Variants in SPAG16 observed in about 807,000 individuals in gnomAD.
The protein encoded by SPAG16 is sperm-associated antigen 16 protein.
SPAG16 carries 86 observed loss-of-function variants against 80.4 expected under a neutral mutation model. The observed-to-expected ratio is 1.07, with a 90% CI of 0.90 to 1.28. The LOEUF (loss-of-function observed/expected upper bound fraction) is 1.28. SPAG16 is among the 50% of genes most tolerant of loss of function. The pLI is 0.00. For missense variants in SPAG16, 870 were observed against 765.3 expected (o/e 1.14, Z -1.61); for synonymous variants, 294 against 265.9 (o/e 1.11, Z -1.03).
At chr2:214,347,098 T>C (rs929446188) in intron 15 of SPAG16, among the ~76,000 whole-genome samples, 2 of 152,122 alleles carry the variant, frequency 1.3e-5, no homozygotes, top group African/African-American at 4.8e-5. Flanking sequence ...ATGCTATTGG[T>C]AAAGGCTCAA....
At chr2:214,121,509 T>C (rs1051184427) in intron 14 of SPAG16, among the ~76,000 whole-genome samples, 1 of 151,850 alleles carries the variant, frequency 6.6e-6, no homozygotes, top group African/African-American at 2.4e-5. Context: ...AGACATATGA[T>C]CTTGAGCAAA....
chr2:213,395,581 G>A (rs2067988818), intron 9 of SPAG16, among the ~76,000 whole-genome samples: 1 of 152,038 alleles, frequency 6.6e-6, no homozygotes, highest in South Asian at 2.1e-4. Flanking sequence ...ATTGCCTTTT[G>A]TTGCTAGATT....
chr2:214,402,676 C>T (rs762162259), intron 15 of SPAG16, among the ~76,000 whole-genome samples: 13 of 151,836 alleles, frequency 8.6e-5, no homozygotes, highest in Admixed American at 3.9e-4. Context: ...ATATAAAATA[C>T]TTACCTAAAG....
intron 10 of SPAG16, among the ~76,000 whole-genome samples, chr2:213,557,385 T>C (rs2059457326): frequency 6.6e-6 from 1 of 152,066 alleles, no homozygotes; most frequent in African/African-American, 2.4e-5. Context: ...TGTAAACCTT[T>C]CAAATATTTT....
intron 7 of SPAG16, among the ~76,000 whole-genome samples, chr2:213,354,954 A>G (rs370524718): frequency 1.3e-5 from 2 of 152,144 alleles, no homozygotes; most frequent in South Asian, 4.1e-4. Flanking sequence ...TATGTCCTAA[A>G]TGGTATTGCC....
chr2:213,376,738 A>G (rs1013128532), intron 9 of SPAG16, among the ~76,000 whole-genome samples: 2 of 152,128 alleles, frequency 1.3e-5, no homozygotes, highest in Non-Finnish European at 2.9e-5. Context: ...TTTGTTCTAT[A>G]GTCTTAATTC....
intron 9 of SPAG16, among the ~76,000 whole-genome samples, chr2:213,487,163 G>A (rs1239890486): frequency 6.6e-6 from 1 of 152,006 alleles, no homozygotes; most frequent in Non-Finnish European, 1.5e-5. Flanking sequence ...AAATAAACAT[G>A]AGTGCCAGAG....
At chr2:213,759,907 T>C (rs767728127) in intron 10 of SPAG16, among the ~76,000 whole-genome samples, 4 of 151,982 alleles carry the variant, frequency 2.6e-5, no homozygotes, top group African/African-American at 9.7e-5. Flanking sequence ...TGGTGGCACA[T>C]GCCTATAGTC....
intron 13 of SPAG16, among the ~76,000 whole-genome samples, chr2:214,016,718 T>G (rs2047609582): frequency 1.3e-5 from 2 of 152,172 alleles, no homozygotes; most frequent in African/African-American, 4.8e-5. Context: ...GCACAGATTT[T>G]CATAACTTGA....
At chr2:213,780,734 C>T (rs969674263) in intron 10 of SPAG16, among the ~76,000 whole-genome samples, 15 of 152,158 alleles carry the variant, frequency 9.9e-5, no homozygotes, top group African/African-American at 3.4e-4. Context: ...TTCTTATTTT[C>T]CCAACTTTGA....
chr2:213,613,052 C>G (rs570347799), intron 10 of SPAG16, among the ~76,000 whole-genome samples: 1 of 152,084 alleles, frequency 6.6e-6, no homozygotes, highest in Admixed American at 6.6e-5. Flanking sequence ...TTTAGGGAAA[C>G]CTATTGGGTT....
At chr2:213,475,205 T>C (rs2073308062) in intron 9 of SPAG16, among the ~76,000 whole-genome samples, 1 of 152,164 alleles carries the variant, frequency 6.6e-6, no homozygotes, top group African/African-American at 2.4e-5. Context: ...TCTATATAAC[T>C]GTCCGGGTCA....
rs939386294 is a variant in SPAG16 at position 213,793,676 on chromosome 2, C to G, written c.1071-68809C>G. On this transcript the variant is annotated intron_variant, in intron 10 of 15. Coordinates refer to ENST00000331683, the MANE Select transcript of SPAG16 (RefSeq NM_024532.5). ...TAGTAATAATTCAAAATGAAATTCT[C>G]TAAAAGATGTTAAATGAATAAAGTA... Among the ~76,000 whole-genome samples the G allele has an allele frequency of 4.3e-4, 65 of 152,320 alleles. No individual in the cohort carries two copies. In the Middle Eastern group the frequency reaches 0.01, roughly 24 times the overall value.
chr2:213,924,969 T>C (rs1454264539), intron 11 of SPAG16, among the ~76,000 whole-genome samples: 1 of 152,144 alleles, frequency 6.6e-6, no homozygotes, highest in Non-Finnish European at 1.5e-5. Flanking sequence ...CTTACCCATT[T>C]CTTTTTTTCT....
chr2:213,844,201 C>A (rs16850995), intron 10 of SPAG16, among the ~76,000 whole-genome samples: 1,898 of 152,162 alleles, frequency 0.012, 41 homozygotes, highest in African/African-American at 0.043. Context: ...AGCAGCATGA[C>A]CAATGAAACC....
chr2:213,380,976 T>C (rs1409119946), intron 9 of SPAG16, among the ~76,000 whole-genome samples: 2 of 152,212 alleles, frequency 1.3e-5, no homozygotes, highest in Non-Finnish European at 2.9e-5. Flanking sequence ...GCATTGTGCC[T>C]CTTTCCTGGT....
At chr2:214,265,873 T>A (rs1335070307) in intron 15 of SPAG16, among the ~76,000 whole-genome samples, 4 of 151,954 alleles carry the variant, frequency 2.6e-5, no homozygotes. Context: ...GCTAAAGCAG[T>A]CCCTCCCAAC....
At chr2:214,156,546 G>A (rs1288469945) in intron 15 of SPAG16, among the ~76,000 whole-genome samples, 1 of 152,192 alleles carries the variant, frequency 6.6e-6, no homozygotes, top group Admixed American at 6.5e-5. Flanking sequence ...TTGGGAGGTT[G>A]AGGAGAGAGG....
At chr2:213,875,328 A>C (rs2106003005) in intron 11 of SPAG16, among the ~76,000 whole-genome samples, 1 of 152,236 alleles carries the variant, frequency 6.6e-6, no homozygotes, top group South Asian at 2.1e-4. Flanking sequence ...AATTAAGATA[A>C]GTTTAGAGTC....
Sources: allele counts gnomAD v4.1 joint callset (sites outside exome capture counted in the v4.1 genomes callset), GRCh38; gene constraint gnomAD v4.1.1; transcripts MANE v1.5; gene names NCBI Gene and HGNC (gene_info 2026-07-23, HGNC 2026-07-21).